Variants in FCN3 observed in about 807,000 individuals in gnomAD.
FCN3 encodes ficolin 3.
In FCN3, 28 loss-of-function variants were observed where a neutral mutation model predicts 31.5. That is an observed-to-expected ratio of 0.89 (90% CI 0.66 to 1.22). The LOEUF is 1.22. Among genes scored for constraint, FCN3 ranks in the 50% most tolerant of loss-of-function variants. The pLI, the probability that FCN3 is intolerant of heterozygous loss-of-function variation, is 0.00. For synonymous variants in FCN3, 124 were observed against 147.4 expected, an observed-to-expected ratio of 0.84 and a Z score of 1.15; for missense variants, 351 against 386.8, an observed-to-expected ratio of 0.91 and a Z score of 0.78.
rs779116197 is a variant in FCN3, at chr1:27,373,132, T to C, written c.393+4A>G. On this transcript the variant is annotated splice_donor_region_variant and intron_variant, in intron 5 of 7. Coordinates refer to ENST00000270879, the MANE Select transcript of FCN3 (RefSeq NM_003665.4). ...GCCTGTTAGCCCATTTCTCAGACAC[T>C]CACCAGCCAGCCGCCCCCCTCGGTG... The C allele has an allele frequency of 6.2e-7, 1 of 1,613,364 alleles. No individual in the cohort carries two copies. The highest frequency in any genetic ancestry group is 8.5e-7 in the Non-Finnish European group (1 of 1,179,752).
Position 27,374,401 on chromosome 1 carries a change from C to A in FCN3, c.142G>T (p.Gly48Ter). ...SKVVLLPSCP[G>*]APGSPGEKGA... ...TTCTCCCCAGGACTTCCTGGAGCTC[C>A]GGGACAACTGGGCAGGAGGACAACT... Residue 48 changes from glycine to a stop codon, truncating the protein, a stop_gained, in exon 2 of 8, where the codon GGA becomes TGA. Coordinates refer to ENST00000270879, the MANE Select transcript of FCN3 (RefSeq NM_003665.4). LOFTEE classifies it high-confidence loss of function. 2 of 1,613,958 alleles carry A rather than the reference C, an allele frequency of 1.2e-6. No homozygotes were observed. The highest frequency in any genetic ancestry group is 1.7e-6 in the Non-Finnish European group (2 of 1,179,952).
chr1:27,369,166 G>A lies in FCN3; in HGVS notation c.*70C>T. 6.3e-7 allele frequency: 1 copy of A among 1,579,772 alleles called. No individual in the cohort carries two copies. The highest frequency in any genetic ancestry group is 8.7e-7 in the Non-Finnish European group (1 of 1,153,332). ...TGTGGACAGGCAAGCAGAGGTGGTT[G>A]GCAAAGGCAAGGTGGCTGACGATCC... is the stretch of plus-strand genomic sequence containing the variant. On this transcript the variant is annotated 3_prime_UTR_variant, in exon 8 of 8. Coordinates refer to ENST00000270879, the MANE Select transcript of FCN3 (RefSeq NM_003665.4).
At chr1:27,371,028 G>T in intron 5 of FCN3, 56 bp from the exon 6 acceptor site, 3 of 1,589,358 alleles carry the variant, frequency 1.9e-6, no homozygotes, top group Non-Finnish European at 2.6e-6. Context: ...GGCAGCTGAG[G>T]GTGCAGGAAC....
At chr1:27,369,993 C>T (rs1157365226) in intron 7 of FCN3, among the ~76,000 whole-genome samples, 2 of 148,288 alleles carry the variant, frequency 1.3e-5, no homozygotes, top group Non-Finnish European at 3.0e-5. Flanking sequence ...TCCTTGCCTC[C>T]CTGCGCTCCC....
At position 27,369,145 on chromosome 1, in the gene FCN3, G is replaced by A; in HGVS notation, c.*91C>T. 1.4e-6 allele frequency: 2 copies of A among 1,454,304 alleles called. 1 individual carries two copies. Among genetic ancestry groups the A allele is most frequent in the South Asian group, 2.4e-5 (2 of 83,392 alleles). 90.1% of individuals were successfully genotyped at this position (1,454,304 alleles called of 1,614,324 possible). ...TAAAATGATTTTATTTTTAAATGTG[G>A]ACAGGCAAGCAGAGGTGGTTGGCAA... is the stretch of plus-strand genomic sequence containing the variant. On this transcript the variant is annotated 3_prime_UTR_variant, in exon 8 of 8. Transcript: ENST00000270879.
chr1:27,374,746 C>G lies in FCN3; in HGVS notation c.73G>C (p.Glu25Gln). ...TGCCCACCTGGGCAGCTGGGGTGTT[C>G]CTGGGTCTTCAGGCAGGCAGGCCCC... ...LGGPACLKTQEHPSCPGPREL... is the reference protein window; with the variant it reads ...LGGPACLKTQQHPSCPGPREL... Residue 25 changes from glutamate to glutamine, a missense_variant, in exon 1 of 8, where the codon GAA becomes CAA. Transcript: ENST00000270879. 5 of 1,395,330 alleles carry G rather than the reference C, an allele frequency of 3.6e-6. No homozygotes were observed. Among genetic ancestry groups the G allele is most frequent in the Non-Finnish European group, 4.7e-6 (5 of 1,069,812 alleles). 86.4% of individuals were successfully genotyped at this position (1,395,330 alleles called of 1,614,324 possible). A position where few individuals can be genotyped will look rare whatever the true frequency, so the allele number is the denominator to read the frequency against.
intron 3 of FCN3, 26 bp downstream of exon 3, chr1:27,373,939 G>A: frequency 5.0e-6 from 8 of 1,606,918 alleles, no homozygotes; most frequent in Non-Finnish European, 6.8e-6. Context: ...AAGAAAGCGG[G>A]GAGGCCTCCA....
chr1:27,370,602 T>A lies in FCN3; in HGVS notation c.652A>T (p.Thr218Ser). 1.2e-6 allele frequency: 2 copies of A among 1,614,026 alleles called. No homozygotes were observed. The highest frequency in any genetic ancestry group is 1.7e-6 in the Non-Finnish European group (2 of 1,179,894). ...QLALGKFSEG[T>S]AGDSLSLHSG... is the part of the protein sequence containing the mutation. Reference sequence around the variant, plus strand: ...TCCCCTTAGGCTCACTCACCTGCAGTGCCCTCTGAGAACTTGCCCAGTGCC... The same window carrying A: ...TCCCCTTAGGCTCACTCACCTGCAGAGCCCTCTGAGAACTTGCCCAGTGCC... The change falls in exon 7 of 8, where the codon ACT becomes TCT. Residue 218 changes from threonine to serine, a missense_variant. Physicochemically the swap from Thr to Ser is moderately conservative, Grantham distance 58 (BLOSUM62 1). Transcript: ENST00000270879.
At chr1:27,373,618 C>T (rs555167662) in intron 3 of FCN3, 98 bp from the exon 4 acceptor site, 1 of 1,256,346 alleles carries the variant, frequency 8.0e-7, no homozygotes, top group East Asian at 2.5e-5. Flanking sequence ...CCGAATCCTT[C>T]CCACTCCTCC....
At chr1:27,372,107 A>G (rs1410564188) in intron 5 of FCN3, among the ~76,000 whole-genome samples, 1 of 151,826 alleles carries the variant, frequency 6.6e-6, no homozygotes, top group Non-Finnish European at 1.5e-5. Context: ...TTCCTAAACC[A>G]TGTCCCTGCC....
intron 5 of FCN3, among the ~76,000 whole-genome samples, chr1:27,372,283 C>G (rs1436059370): frequency 6.7e-6 from 1 of 149,988 alleles, no homozygotes; most frequent in East Asian, 1.9e-4. Flanking sequence ...AGTCTCACTC[C>G]GTTGCCCAGG....
At position 27,373,757 on chromosome 1, in the gene FCN3, T is replaced by C. The variant is rs565481410; in HGVS notation, c.232+208A>G. ...TAGGGTACCCAGGCCCTTCTCCTAA[T>C]CCTCCCCACTCCTCCCAGCCCTCCA... On this transcript the variant is annotated intron_variant, in intron 3 of 7. Coordinates refer to ENST00000270879, the MANE Select transcript of FCN3 (RefSeq NM_003665.4). 2.0e-5 allele frequency: 13 copies of C among 638,056 alleles called. No individual in the cohort carries two copies. In the South Asian group the frequency reaches 2.3e-4, roughly 11 times the overall value. The allele number at this position is 638,056 out of a possible 1,614,324, so 39.5% of individuals were successfully genotyped here.
intron 5 of FCN3, among the ~76,000 whole-genome samples, chr1:27,371,722 C>T (rs1269164217): frequency 6.6e-6 from 1 of 152,176 alleles, no homozygotes; most frequent in Non-Finnish European, 1.5e-5. Context: ...AGTTGTCAAC[C>T]TAAGTACTTC....
At chr1:27,373,615 C>T (rs1235619926) in intron 3 of FCN3, 95 bp from the exon 4 acceptor site, 2 of 1,299,186 alleles carry the variant, frequency 1.5e-6, no homozygotes, top group East Asian at 2.4e-5. Context: ...TTTCCGAATC[C>T]TTCCCACTCC....
chr1:27,372,696 C>T (rs1267056944), intron 5 of FCN3, among the ~76,000 whole-genome samples: 2 of 152,018 alleles, frequency 1.3e-5, no homozygotes, highest in African/African-American at 4.8e-5. Flanking sequence ...CTCACTCACG[C>T]GTTCCCTGCA....
rs1414816275 is a variant in FCN3 at position 27,370,578 on chromosome 1, C to T, written c.658+18G>A. 2.5e-5 allele frequency: 41 copies of T among 1,610,132 alleles called. No individual in the cohort carries two copies. Among genetic ancestry groups the T allele is most frequent in the Non-Finnish European group, 3.1e-5 (37 of 1,176,800 alleles). On this transcript the variant is annotated intron_variant, in intron 7 of 7. Coordinates refer to ENST00000270879, the MANE Select transcript of FCN3 (RefSeq NM_003665.4). Reference sequence around the variant, plus strand: ...AAGGATCCAGCCTCCTTCCTCTGCTCCCCTTAGGCTCACTCACCTGCAGTG... The same window carrying T: ...AAGGATCCAGCCTCCTTCCTCTGCTTCCCTTAGGCTCACTCACCTGCAGTG...
Position 27,373,497 on chromosome 1 carries a change from A to T in FCN3, c.256T>A (p.Cys86Ser), listed in dbSNP as rs762224811. The T allele has an allele frequency of 6.2e-7, 1 of 1,614,018 alleles. No homozygotes were observed. Among genetic ancestry groups the T allele is most frequent in the Non-Finnish European group, 8.5e-7 (1 of 1,179,972 alleles). ...EPGDPVNLLRCQEGPRNCREL... is the reference protein window; with the variant it reads ...EPGDPVNLLRSQEGPRNCREL... ...GCAAGGGCTGCCTCACCTTCCTGGC[A>T]CCGGAGCAGGTTCACTGGATCTCCT... Residue 86 changes from cysteine (C) to serine (S), a missense_variant, in exon 4 of 8, where the codon TGC becomes AGC. Cys to Ser is a moderately radical substitution (Grantham distance 112). Transcript: ENST00000270879.
In FCN3 at chr1:27,374,371, C is replaced by A. The variant is rs1185012075; in HGVS notation, c.172G>T (p.Ala58Ser). The A allele has an allele frequency of 1.9e-6, 3 of 1,612,462 alleles. No individual in the cohort carries two copies. Among genetic ancestry groups the A allele is most frequent in the Non-Finnish European group, 8.5e-7 (1 of 1,178,692 alleles). The change falls in exon 2 of 8, where the codon GCC becomes TCC. Residue 58 changes from alanine (A) to serine (S), a missense_variant. Physicochemically the swap from Ala to Ser is moderately conservative, Grantham distance 99. Transcript: ENST00000270879. ...CCCCTCTCACCTTGAGGACCTGGGG[C>A]TCCCTTCTCCCCAGGACTTCCTGGA... is the stretch of plus-strand genomic sequence containing the variant. ...GAPGSPGEKGAPGPQGPPGPP... is the reference protein window; with the variant it reads ...GAPGSPGEKGSPGPQGPPGPP...
intron 7 of FCN3, 185 bp downstream of exon 7, chr1:27,370,411 G>C (rs1557575172): frequency 1.8e-5 from 11 of 607,990 alleles, no homozygotes; most frequent in Non-Finnish European, 2.9e-5. Flanking sequence ...TCAAACTCAG[G>C]TCTGTTTGCC....
Sources: allele counts gnomAD v4.1 joint callset (sites outside exome capture counted in the v4.1 genomes callset), GRCh38; gene constraint gnomAD v4.1.1; transcripts MANE v1.5; gene names NCBI Gene and HGNC (gene_info 2026-07-23, HGNC 2026-07-21).